MDGA2: variants seen among roughly 807,000 people sequenced by gnomAD.
MDGA2 encodes the protein MAM domain-containing glycosylphosphatidylinositol anchor protein 2.
Under a neutral mutation model 117.8 loss-of-function variants are expected in MDGA2, and 40 were observed. The ratio of observed to expected loss-of-function variants is 0.34; its 90% CI spans 0.26 to 0.44. MDGA2 has a LOEUF of 0.44. Ranked by LOEUF, MDGA2 falls within the 20% of genes least tolerant of loss-of-function variation. The pLI is 1.00. For synonymous variants in MDGA2, 452 were observed against 439.0 expected (o/e 1.03, Z -0.37); for missense variants, 1,123 against 1,250.6 (o/e 0.90, Z 1.54).
intron 1 of MDGA2, among the ~76,000 whole-genome samples, chr14:47,317,620 G>T (rs1031315405): frequency 6.6e-6 from 1 of 151,936 alleles, no homozygotes; most frequent in Non-Finnish European, 1.5e-5. Context: ...GAAAGATCAT[G>T]TTCTCCCATT....
At chr14:46,890,556 A>G (rs951533154) in intron 10 of MDGA2, among the ~76,000 whole-genome samples, 1 of 152,112 alleles carries the variant, frequency 6.6e-6, no homozygotes, top group African/African-American at 2.4e-5. Flanking sequence ...AGGTAAAGAC[A>G]GCATTGAATG....
At chr14:47,493,227 A>T (rs1420635229) in intron 1 of MDGA2, among the ~76,000 whole-genome samples, 1 of 151,062 alleles carries the variant, frequency 6.6e-6, no homozygotes, top group Non-Finnish European at 1.5e-5. Flanking sequence ...TTGAATAGAC[A>T]TGTACAATAT....
intron 1 of MDGA2, among the ~76,000 whole-genome samples, chr14:47,374,101 A>T (rs1481105550): frequency 1.3e-5 from 2 of 152,112 alleles, no homozygotes; most frequent in African/African-American, 4.8e-5. Context: ...TCTAATAATA[A>T]TATGCCATAT....
chr14:47,185,272 C>G (rs2139384923), intron 3 of MDGA2, among the ~76,000 whole-genome samples: 1 of 151,348 alleles, frequency 6.6e-6, no homozygotes, highest in South Asian at 2.1e-4. Flanking sequence ...TGTGTCATTA[C>G]TTTATAATAC....
chr14:47,382,819 A>C (rs907534172), intron 1 of MDGA2, among the ~76,000 whole-genome samples: 6 of 152,228 alleles, frequency 3.9e-5, no homozygotes, highest in Non-Finnish European at 7.3e-5. Flanking sequence ...ATCTAGAACC[A>C]GAAAAACCAT....
rs1477002875 is a variant in MDGA2 at position 47,588,876 on chromosome 14, C to T, written c.280+85641G>A. On this transcript the variant is annotated intron_variant, in intron 1 of 16. Transcript: ENST00000399232. ...ACTCAAATTTGGCAGGACTGCATGA[C>T]TTCTGGAGGCTCTAGGAAAGTATCT... is the stretch of plus-strand genomic sequence containing the variant. Among the ~76,000 whole-genome samples, 3 of 151,934 alleles carry T rather than the reference C, an allele frequency of 2.0e-5. No individual in the cohort carries two copies. In the East Asian group the frequency reaches 5.8e-4, roughly 29 times the overall value.
intron 2 of MDGA2, among the ~76,000 whole-genome samples, chr14:47,290,666 G>T (rs1888853224): frequency 6.6e-6 from 1 of 151,966 alleles, no homozygotes; most frequent in African/African-American, 2.4e-5. Context: ...CAGCAAAGAA[G>T]AAGATACTAG....
At chr14:47,414,208 C>T (rs556677857) in intron 1 of MDGA2, among the ~76,000 whole-genome samples, 1 of 152,212 alleles carries the variant, frequency 6.6e-6, no homozygotes, top group East Asian at 1.9e-4. Context: ...ACTTTTATTT[C>T]CATAATGTCC....
chr14:46,969,116 A>G (rs546942596), intron 8 of MDGA2, among the ~76,000 whole-genome samples: 10 of 152,268 alleles, frequency 6.6e-5, no homozygotes, highest in African/African-American at 2.2e-4. Flanking sequence ...TCCATGGTGT[A>G]TATGTGCCAC....
intron 10 of MDGA2, 24 bp from the exon 11 acceptor site, chr14:46,882,245 T>A: frequency 6.3e-7 from 1 of 1,591,840 alleles, no homozygotes. Context: ...AATAATAGAA[T>A]AATGTTCCCA....
At chr14:47,200,376 C>G (rs1319705700) in intron 3 of MDGA2, among the ~76,000 whole-genome samples, 1 of 151,906 alleles carries the variant, frequency 6.6e-6, no homozygotes, top group Non-Finnish European at 1.5e-5. Context: ...AAAAGAATAT[C>G]ATATTTCTAA....
chr14:46,964,980 G>A (rs1408564619), intron 8 of MDGA2, among the ~76,000 whole-genome samples: 1 of 111,020 alleles, frequency 9.0e-6, no homozygotes, highest in African/African-American at 5.2e-5. Flanking sequence ...CTGGAGTGCA[G>A]TGGCACGATC....
intron 1 of MDGA2, among the ~76,000 whole-genome samples, chr14:47,529,924 A>C (rs1020007622): frequency 2.0e-5 from 3 of 152,200 alleles, no homozygotes; most frequent in African/African-American, 7.2e-5. Context: ...AGACCCCCTG[A>C]AACTACTGCT....
At chr14:47,620,802 T>C (rs1897036374) in intron 1 of MDGA2, among the ~76,000 whole-genome samples, 1 of 152,156 alleles carries the variant, frequency 6.6e-6, no homozygotes, top group Non-Finnish European at 1.5e-5. Flanking sequence ...CAGCAGTAAA[T>C]GATTGGGTAT....
At chr14:47,638,264 G>T (rs1436479666) in intron 1 of MDGA2, among the ~76,000 whole-genome samples, 1 of 152,130 alleles carries the variant, frequency 6.6e-6, no homozygotes. Context: ...TTTAATTTGA[G>T]CAGTAGGAGT....
At chr14:46,928,258 A>G (rs1884406134) in intron 9 of MDGA2, among the ~76,000 whole-genome samples, 1 of 152,182 alleles carries the variant, frequency 6.6e-6, no homozygotes, top group Admixed American at 6.5e-5. Context: ...CAATACATTC[A>G]GCCAATATAT....
intron 1 of MDGA2, among the ~76,000 whole-genome samples, chr14:47,386,009 G>A (rs779821327): frequency 8.5e-5 from 13 of 152,064 alleles, no homozygotes; most frequent in African/African-American, 1.2e-4. Flanking sequence ...AGCCAGGCGC[G>A]GTGGCTCACA....
Position 47,675,234 on chromosome 14 carries a change from G to T in MDGA2, c.-438C>A, listed in dbSNP as rs1052075193. Among the ~76,000 whole-genome samples the T allele has an allele frequency of 2.6e-5, 4 of 152,190 alleles. No individual in the cohort carries two copies. Among genetic ancestry groups the T allele is most frequent in the Admixed American group, 2.6e-4 (4 of 15,288 alleles). On this transcript the variant is annotated 5_prime_UTR_variant, in exon 1 of 17. Transcript: ENST00000399232. ...CCGAAGCCCCCAGCCCTGCTGTCTT[G>T]CCTTCCCCCATTCCATCAGTTGCCA...
intron 1 of MDGA2, among the ~76,000 whole-genome samples, chr14:47,488,433 G>T (rs1341980622): frequency 1.3e-5 from 2 of 152,030 alleles, no homozygotes; most frequent in African/African-American, 4.8e-5. Flanking sequence ...ACTACTTTGT[G>T]TGCTTTGTGA....
Sources: gnomAD v4.1 joint callset for allele counts (sites outside exome capture counted in the v4.1 genomes callset) on GRCh38, gnomAD v4.1.1 for gene constraint, MANE v1.5 for transcripts, NCBI Gene and HGNC (gene_info 2026-07-23, HGNC 2026-07-21) for gene names.